Variants in EXD1 observed in about 807,000 individuals in gnomAD.
The protein encoded by EXD1 is exonuclease 3'-5' domain containing 1.
Under a neutral mutation model 49.1 loss-of-function variants are expected in EXD1, and 63 were observed. That is an observed-to-expected ratio of 1.28 (90% confidence interval 1.05 to 1.58). The LOEUF is 1.58. Among genes scored for constraint, EXD1 ranks in the 40% most tolerant of loss-of-function variants. The pLI, the probability that EXD1 is intolerant of heterozygous loss-of-function variation, is 0.00. For missense variants in EXD1, 748 were observed against 666.0 expected (o/e 1.12, Z -1.36); for synonymous variants, 234 against 239.2 (o/e 0.98, Z 0.20).
intron 9 of EXD1, among the ~76,000 whole-genome samples, chr15:41,192,881 C>T (rs1364784981): frequency 5.3e-5 from 8 of 150,638 alleles, no homozygotes; most frequent in African/African-American, 9.8e-5. Flanking sequence ...CTGCAAGCTC[C>T]GCCTCCCGGG....
Position 41,230,591 on chromosome 15 carries a change from AG to A in EXD1, c.-167del. The A allele has an allele frequency of 6.3e-7, 1 of 1,594,566 alleles. No individual in the cohort carries two copies. The highest frequency in any genetic ancestry group is 2.2e-5 in the East Asian group (1 of 44,694). ...TGGTGCGTTCCTCGAACTTCAGTCT[AG>A]AACTAAAAGAAGAGGGGCTGCAATG... On this transcript the variant is annotated 5_prime_UTR_variant, in exon 1 of 12. Coordinates refer to ENST00000458580, the MANE Select transcript of EXD1 (RefSeq NM_001286441.2).
chr15:41,212,865 G>A (rs556025514), intron 6 of EXD1, among the ~76,000 whole-genome samples: 4 of 152,088 alleles, frequency 2.6e-5, no homozygotes, highest in South Asian at 4.2e-4. Context: ...ATAACGAGAC[G>A]TTGTCTCTAC....
At chr15:41,194,751 C>T (rs116922150) in intron 9 of EXD1, among the ~76,000 whole-genome samples, 1 of 152,164 alleles carries the variant, frequency 6.6e-6, no homozygotes, top group East Asian at 1.9e-4. Context: ...CTTCATTAGA[C>T]AATACGTATA....
Position 41,184,046 on chromosome 15 carries a change from A to G in EXD1, c.1604T>C (p.Val535Ala), listed in dbSNP as rs777472629. Residue 535 changes from valine (V) to alanine (A), a missense_variant, in exon 12 of 12, where the codon GTG becomes GCG. By Grantham distance (64) the Val-to-Ala change is moderately conservative. Coordinates refer to ENST00000458580, the MANE Select transcript of EXD1 (RefSeq NM_001286441.2). ...AGGATAAAAAGTGTCACTTGGAGAC[A>G]CTCTGGTTTCCTGAGGAAAGGAAGA... ...SMSSFPQETR[V>A]SPSDTFYPIR... The G allele has an allele frequency of 2.5e-6, 4 of 1,614,132 alleles. No homozygotes were observed. The highest frequency in any genetic ancestry group is 3.3e-5 in the Admixed American group (2 of 60,002).
chr15:41,194,722 T>A (rs1002282023), intron 9 of EXD1, among the ~76,000 whole-genome samples: 3 of 152,120 alleles, frequency 2.0e-5, no homozygotes, highest in Non-Finnish European at 2.9e-5. Context: ...AAGAAAAACA[T>A]GAACAGATAT....
chr15:41,225,404 G>A (rs2047146385), intron 2 of EXD1, among the ~76,000 whole-genome samples: 1 of 151,440 alleles, frequency 6.6e-6, no homozygotes, highest in Non-Finnish European at 1.5e-5. Context: ...GGCCAACACA[G>A]TGAAACTCTG....
At chr15:41,209,865 AC>A (rs1256379806) in intron 6 of EXD1, among the ~76,000 whole-genome samples, 5 of 152,078 alleles carry the variant, frequency 3.3e-5, no homozygotes, top group Non-Finnish European at 7.4e-5. Flanking sequence ...GAACTCAGAC[AC>A]CTTTTGTTAC....
chr15:41,204,783 T>C (rs1470958178), intron 7 of EXD1, among the ~76,000 whole-genome samples: 2 of 152,006 alleles, frequency 1.3e-5, no homozygotes, highest in East Asian at 1.9e-4. Context: ...CATATACACA[T>C]ACACACACAT....
At chr15:41,188,177 C>CTT (rs940380861) in intron 11 of EXD1, among the ~76,000 whole-genome samples, 3 of 149,588 alleles carry the variant, frequency 2.0e-5, no homozygotes, top group African/African-American at 7.4e-5. Context: ...ACTTCTACTA[C>CTT]TTTTTTTTTT....
At position 41,230,526 on chromosome 15, in the gene EXD1, G is replaced by A. The variant is rs1486957881; in HGVS notation, c.-101C>T. ...CTCCATCGTTAGGGCTTTTTCCTCC[G>A]AAGGAAGTTTGGGAAATCTGGATCC... On this transcript the variant is annotated 5_prime_UTR_variant, in exon 1 of 12. Transcript: ENST00000458580. 2 of 1,614,028 alleles carry A rather than the reference G, an allele frequency of 1.2e-6. No individual in the cohort carries two copies. The highest frequency in any genetic ancestry group is 1.7e-5 in the Admixed American group (1 of 59,990).
intron 6 of EXD1, among the ~76,000 whole-genome samples, chr15:41,209,847 A>G (rs1425526139): frequency 6.6e-6 from 1 of 152,218 alleles, no homozygotes; most frequent in African/African-American, 2.4e-5. Flanking sequence ...AATGACAATA[A>G]GAGTTGAGAA....
At chr15:41,216,349 C>T (rs992690579) in intron 5 of EXD1, among the ~76,000 whole-genome samples, 2 of 151,576 alleles carry the variant, frequency 1.3e-5, no homozygotes, top group Non-Finnish European at 2.9e-5. Flanking sequence ...TTCAGAGCCT[C>T]GGCTGGGCAC....
At chr15:41,229,511 G>C (rs1037747220) in intron 1 of EXD1, among the ~76,000 whole-genome samples, 1 of 152,188 alleles carries the variant, frequency 6.6e-6, no homozygotes, top group African/African-American at 2.4e-5. Context: ...GCTCACGCCT[G>C]TAATCACAGC....
At chr15:41,205,574 T>C (rs1336512837) in intron 7 of EXD1, among the ~76,000 whole-genome samples, 1 of 151,932 alleles carries the variant, frequency 6.6e-6, no homozygotes, top group African/African-American at 2.4e-5. Flanking sequence ...GTCTGGGAGT[T>C]TGAGACCAGC....
intron 9 of EXD1, among the ~76,000 whole-genome samples, chr15:41,193,908 A>G (rs1217660012): frequency 6.6e-6 from 1 of 151,960 alleles, no homozygotes. Context: ...TCTTACATGC[A>G]AAAGGGACTT....
At chr15:41,215,665 G>T (rs571577065) in intron 6 of EXD1, 110 bp downstream of exon 6, 2 of 1,125,064 alleles carry the variant, frequency 1.8e-6, no homozygotes, top group South Asian at 1.3e-5. Context: ...CAACCTGGGC[G>T]ATAGAGCAAG....
At chr15:41,191,366 A>T in intron 10 of EXD1, 76 bp downstream of exon 10, 1 of 1,370,740 alleles carries the variant, frequency 7.3e-7, no homozygotes, top group Non-Finnish European at 1.0e-6. Context: ...TCATTTTTCT[A>T]CATAACAGGC....
Position 41,216,758 on chromosome 15 carries a change from C to G in EXD1, c.298G>C (p.Val100Leu), listed in dbSNP as rs1403812357. ...AERTWMEKMK[V>L]EDLNVCEPAS... ...GGCTCACATACATTTAGGTCTTCAA[C>G]TTTCATTTTCTCCATCCAGGTTCTT... Residue 100 changes from valine to leucine, a missense_variant, in exon 5 of 12, where the codon GTT becomes CTT. By Grantham distance (32) the Val-to-Leu change is conservative. Transcript: ENST00000458580. The G allele has an allele frequency of 1.2e-6, 2 of 1,613,872 alleles. No individual in the cohort carries two copies. Among genetic ancestry groups the G allele is most frequent in the Non-Finnish European group, 1.7e-6 (2 of 1,180,020 alleles).
intron 9 of EXD1, chr15:41,192,058 TTCCATG>T (rs1325490319): frequency 2.6e-5 from 4 of 156,126 alleles, no homozygotes; most frequent in Non-Finnish European, 5.6e-5. Context: ...TTCTGACCTG[TTCCATG>T]TCTGATCTGG....
Sources: gnomAD v4.1 joint callset for allele counts (sites outside exome capture counted in the v4.1 genomes callset) on GRCh38, gnomAD v4.1.1 for gene constraint, MANE v1.5 for transcripts, NCBI Gene and HGNC (gene_info 2026-07-23, HGNC 2026-07-21) for gene names.